Variants in PRKN observed in about 807,000 individuals in gnomAD.
The protein encoded by PRKN is parkin RBR E3 ubiquitin protein ligase.
PRKN carries 56 observed loss-of-function variants against 59.5 expected under a neutral mutation model. That is an observed-to-expected ratio of 0.94 (90% confidence interval 0.76 to 1.18). PRKN has a LOEUF of 1.18. Among genes scored for constraint, PRKN ranks in the 50% most tolerant of loss-of-function variants. PRKN has a pLI of 0.00. For missense variants in PRKN, 657 were observed against 596.4 expected (o/e 1.10, Z -1.06); for synonymous variants, 250 against 222.1 (o/e 1.13, Z -1.12).
At chr6:161,985,774 C>A (rs1781412540) in intron 5 of PRKN, among the ~76,000 whole-genome samples, 1 of 152,126 alleles carries the variant, frequency 6.6e-6, no homozygotes, top group African/African-American at 2.4e-5. Context: ...CTGCCTCCCA[C>A]CTCACCTGCC....
At position 161,549,074 on chromosome 6, in the gene PRKN, A is replaced by G; in HGVS notation, c.934-71T>C. ...TTTCAGCCAAAGGGTTAGGAGCTAC[A>G]GTGCATGGGATTTCTTGCTTAACCA... On this transcript the variant is annotated intron_variant, in intron 8 of 11. Coordinates refer to ENST00000366898, the MANE Select transcript of PRKN (RefSeq NM_004562.3). The surrounding 1 kb of genome is among the most constrained non-coding windows in gnomAD (Gnocchi z 6.0). The G allele has an allele frequency of 1.3e-6, 2 of 1,537,766 alleles. No individual in the cohort carries two copies. The highest frequency in any genetic ancestry group is 1.8e-6 in the Non-Finnish European group (2 of 1,111,050).
intron 3 of PRKN, among the ~76,000 whole-genome samples, chr6:162,217,923 G>A (rs1329286572): frequency 2.0e-5 from 3 of 152,144 alleles, no homozygotes; most frequent in African/African-American, 7.2e-5. Context: ...TTCTAAGTAG[G>A]AGGTGAGCAG....
At chr6:161,523,852 C>A (rs915593196) in intron 9 of PRKN, among the ~76,000 whole-genome samples, 2 of 152,088 alleles carry the variant, frequency 1.3e-5, no homozygotes, top group Non-Finnish European at 2.9e-5. Flanking sequence ...CAGAAGCAAA[C>A]CATTTTTCAA....
chr6:162,345,359 GA>G (rs1198913653), intron 2 of PRKN, among the ~76,000 whole-genome samples: 1 of 152,146 alleles, frequency 6.6e-6, no homozygotes, highest in Admixed American at 6.5e-5. Flanking sequence ...TGAGTGCAGG[GA>G]AACAAACTGA....
intron 3 of PRKN, among the ~76,000 whole-genome samples, chr6:162,239,043 C>T (rs972203293): frequency 2.0e-5 from 3 of 152,122 alleles, no homozygotes; most frequent in South Asian, 2.1e-4. Context: ...AGAGAAAACG[C>T]TAGCATACTT....
At chr6:161,408,609 T>A (rs1451130529) in intron 9 of PRKN, among the ~76,000 whole-genome samples, 1 of 151,742 alleles carries the variant, frequency 6.6e-6, no homozygotes, top group East Asian at 1.9e-4. Flanking sequence ...GTGCCATGGG[T>A]CAGGGGGTCG....
At chr6:161,814,529 T>C (rs1791689264) in intron 6 of PRKN, among the ~76,000 whole-genome samples, 1 of 151,110 alleles carries the variant, frequency 6.6e-6, no homozygotes, top group Non-Finnish European at 1.5e-5. Context: ...TGAGATGGAG[T>C]TTCACTCTTG....
In PRKN at chr6:161,796,017, A is replaced by T. The variant is rs143990681; in HGVS notation, c.735-10109T>A. ...TAATGCTTCTATAAGCCACATACAT[A>T]AATCTGCGTTTTAGGTTTATATAAT... On this transcript the variant is annotated intron_variant, in intron 6 of 11. Coordinates refer to ENST00000366898, the MANE Select transcript of PRKN (RefSeq NM_004562.3). 3.4e-4 allele frequency among the ~76,000 whole-genome samples: 52 copies of T among 152,332 alleles called. 1 individual carries two copies. In the East Asian group the frequency reaches 9.8e-3, roughly 29 times the overall value.
intron 7 of PRKN, among the ~76,000 whole-genome samples, chr6:161,778,559 G>C (rs1790056450): frequency 6.6e-6 from 1 of 152,208 alleles, no homozygotes; most frequent in Admixed American, 6.5e-5. Flanking sequence ...GGCATTTTAA[G>C]CTGGGATGGT....
intron 7 of PRKN, among the ~76,000 whole-genome samples, chr6:161,643,618 A>G (rs562093828): frequency 6.6e-6 from 1 of 152,212 alleles, no homozygotes; most frequent in African/African-American, 2.4e-5. Context: ...TATTCCAAAG[A>G]TGTCATATAA....
intron 2 of PRKN, among the ~76,000 whole-genome samples, chr6:162,374,717 A>G (rs1293068189): frequency 6.6e-6 from 1 of 151,984 alleles, no homozygotes; most frequent in Non-Finnish European, 1.5e-5. Context: ...GTTTGGGTTG[A>G]AGAGGGACCA....
chr6:161,720,747 C>T (rs1038210622), intron 7 of PRKN, among the ~76,000 whole-genome samples: 41 of 147,552 alleles, frequency 2.8e-4, no homozygotes, highest in African/African-American at 1.1e-3. Context: ...AGTATATTCT[C>T]ATAGGTACTT....
At chr6:161,607,814 T>C (rs1782338887) in intron 7 of PRKN, among the ~76,000 whole-genome samples, 1 of 152,206 alleles carries the variant, frequency 6.6e-6, no homozygotes, top group Admixed American at 6.5e-5. Flanking sequence ...ACTGTATAAG[T>C]AGGCCCAGAA....
In PRKN at chr6:161,562,797, C is replaced by T. The variant is rs887721573; in HGVS notation, c.933+6558G>A. On this transcript the variant is annotated intron_variant, in intron 8 of 11. Transcript: ENST00000366898. The surrounding 1 kb of genome is among the most constrained non-coding windows in gnomAD (Gnocchi z 4.3). ...CTCAAGATTCACTTCTTTTTGTCTC[C>T]GCTGCCAACTGTCTTAATCCAGAGC... Among the ~76,000 whole-genome samples the T allele has an allele frequency of 7.2e-5, 11 of 152,258 alleles. No individual in the cohort carries two copies. Among genetic ancestry groups the T allele is most frequent in the East Asian group, 1.9e-4 (1 of 5,182 alleles).
chr6:161,629,344 C>T (rs924838401), intron 7 of PRKN, among the ~76,000 whole-genome samples: 4 of 152,056 alleles, frequency 2.6e-5, no homozygotes, highest in East Asian at 1.9e-4. Flanking sequence ...GTACTGACAT[C>T]GGTTAGGGTG....
rs1562425229 is a variant in PRKN at position 161,405,652 on chromosome 6, T to TAAATG, written c.1084-18776_1084-18775insCATTT. 3.5e-5 allele frequency among the ~76,000 whole-genome samples: 5 copies of TAAATG among 143,732 alleles called. No individual in the cohort carries two copies. The highest frequency in any genetic ancestry group is 1.0e-4 in the African/African-American group (4 of 39,042). 94.3% of individuals were successfully genotyped at this position (143,732 alleles called of 152,430 possible). On this transcript the variant is annotated intron_variant, in intron 9 of 11. Transcript: ENST00000366898. This position sits in a 1 kb window ranked among gnomAD's most constrained non-coding sequence, Gnocchi z 5.1. Reference sequence around the variant, plus strand: ...TAAATAAATAAATAAATAAATAAATTTGGGTCCACCATAATCAGCATTTTG... The same window carrying TAAATG: ...TAAATAAATAAATAAATAAATAAATTAAATGTGGGTCCACCATAATCAGCATTTTG...
At chr6:161,365,457 T>G (rs1384633936) in intron 10 of PRKN, among the ~76,000 whole-genome samples, 1 of 152,194 alleles carries the variant, frequency 6.6e-6, no homozygotes, top group Non-Finnish European at 1.5e-5. Context: ...TAACAAAGGA[T>G]GTTATACTCA....
intron 6 of PRKN, among the ~76,000 whole-genome samples, chr6:161,787,676 G>A (rs1421764458): frequency 6.6e-6 from 1 of 152,232 alleles, no homozygotes; most frequent in East Asian, 1.9e-4. Context: ...GCCAGGCGTG[G>A]TGGCTCACGC....
chr6:161,989,206 T>C (rs527496178), intron 5 of PRKN, among the ~76,000 whole-genome samples: 3 of 152,378 alleles, frequency 2.0e-5, no homozygotes, highest in South Asian at 4.1e-4. Flanking sequence ...ATGTGAAGAT[T>C]ATGATATCCT....
Sources: gnomAD v4.1 joint callset for allele counts (sites outside exome capture counted in the v4.1 genomes callset) on GRCh38, gnomAD v4.1.1 for gene constraint, Gnocchi (gnomAD v3.1) non-coding constraint, MANE v1.5 for transcripts, NCBI Gene and HGNC (gene_info 2026-07-23, HGNC 2026-07-21) for gene names.